Variants in NPR1 observed in about 807,000 individuals in gnomAD.
NPR1 encodes atrial natriuretic peptide receptor 1.
A neutral mutation model predicts 116.9 loss-of-function variants in NPR1; 57 were observed. That is an observed-to-expected ratio of 0.49 (90% confidence interval 0.39 to 0.61). The LOEUF (loss-of-function observed/expected upper bound fraction) is 0.61, where lower values mean the gene tolerates loss of function less well. Among genes scored for constraint, NPR1 ranks in the 20% least tolerant of loss-of-function variants. The probability of loss-of-function intolerance (pLI) is 0.00; values close to 1 mark genes in which losing one functional copy is unlikely to be tolerated. For missense variants in NPR1, 1,096 were observed against 1,409.8 expected (o/e 0.78, Z 3.56); for synonymous variants, 555 against 601.6 (o/e 0.92, Z 1.13).
In NPR1 at chr1:153,679,965, C is replaced by T. The variant is rs1483156782; in HGVS notation, c.721+136C>T. On this transcript the variant is annotated intron_variant, in intron 1 of 21. Coordinates refer to ENST00000368680, the MANE Select transcript of NPR1 (RefSeq NM_000906.4). This position sits in a 1 kb window ranked among gnomAD's most constrained non-coding sequence, Gnocchi z 4.2. ...GCCGTTCTTCATTCTACTTTCAGCT[C>T]CCTGGCCCTTTCTACAGCTGAGTTT... is the stretch of plus-strand genomic sequence containing the variant. 2.5e-5 allele frequency: 30 copies of T among 1,221,242 alleles called. No homozygotes were observed. The highest frequency in any genetic ancestry group is 3.2e-5 in the Non-Finnish European group (29 of 895,994). The allele number at this position is 1,221,242 out of a possible 1,614,324, so 75.7% of individuals were successfully genotyped here. A position where few individuals can be genotyped will look rare whatever the true frequency, so the allele number is the denominator to read the frequency against.
chr1:153,683,961 G>A, intron 7 of NPR1, 137 bp downstream of exon 7: 1 of 729,160 alleles, frequency 1.4e-6, no homozygotes, highest in Non-Finnish European at 2.4e-6. Context: ...GAGGAAGAAA[G>A]GAGGCTTAAA....
chr1:153,692,102 G>C (rs1405055046), intron 20 of NPR1, among the ~76,000 whole-genome samples: 2 of 152,048 alleles, frequency 1.3e-5, no homozygotes, highest in African/African-American at 4.8e-5. Context: ...CAAAATGAGG[G>C]TATAGCATGA....
At position 153,679,871 on chromosome 1, in the gene NPR1, G is replaced by T; in HGVS notation, c.721+42G>T. Reference sequence around the variant, plus strand: ...CCCCGTCCCGCCGCTTAGCCGCAGGGCCTCCCCTCTGACCTGCCGGAGGCA... The same window carrying T: ...CCCCGTCCCGCCGCTTAGCCGCAGGTCCTCCCCTCTGACCTGCCGGAGGCA... On this transcript the variant is annotated intron_variant, in intron 1 of 21. Coordinates refer to ENST00000368680, the MANE Select transcript of NPR1 (RefSeq NM_000906.4). The surrounding 1 kb of genome is among the most constrained non-coding windows in gnomAD (Gnocchi z 4.2). 2 of 1,529,362 alleles carry T rather than the reference G, an allele frequency of 1.3e-6. No homozygotes were observed. Among genetic ancestry groups the T allele is most frequent in the Non-Finnish European group, 1.7e-6 (2 of 1,144,450 alleles). The allele number at this position is 1,529,362 out of a possible 1,614,324, so 94.7% of individuals were successfully genotyped here. A position where few individuals can be genotyped will look rare whatever the true frequency, so the allele number is the denominator to read the frequency against.
Position 153,681,272 on chromosome 1 carries a change from C to A in NPR1, c.1014C>A (p.Asn338Lys). The A allele has an allele frequency of 6.2e-7, 1 of 1,610,604 alleles. No individual in the cohort carries two copies. The highest frequency in any genetic ancestry group is 1.1e-5 in the South Asian group (1 of 91,028). ...AACACCTGGCCTATGAGCAGTTCAA[C>A]TTCACCATGGAGGATGGCCTGGTAA... ...QLKHLAYEQFNFTMEDGLVNT... is the reference protein window; with the variant it reads ...QLKHLAYEQFKFTMEDGLVNT... Residue 338 changes from asparagine (N) to lysine (K), a missense_variant, in exon 3 of 22, where the codon AAC becomes AAA. Physicochemically the swap from Asn to Lys is moderately conservative, Grantham distance 94. Transcript: ENST00000368680.
chr1:153,679,828 A>G lies in NPR1; in HGVS notation c.720A>G (p.Arg240=). Residue 240 remains arginine (R), a splice_region_variant and synonymous_variant, in exon 1 of 22, where the codon CGA becomes CGG. Coordinates refer to ENST00000368680, the MANE Select transcript of NPR1 (RefSeq NM_000906.4). This position sits in a 1 kb window ranked among gnomAD's most constrained non-coding sequence, Gnocchi z 4.2. ...RLLRTMPRKG[R]VIYICSSPDA... is the part of the protein sequence containing the mutation. ...TGCGGACCATGCCGCGCAAAGGCCG[A>G]GGTGAGACGCTGGCACACCCCGTCC... 1 of 1,538,946 alleles carries G rather than the reference A, an allele frequency of 6.5e-7. No homozygotes were observed. The highest frequency in any genetic ancestry group is 8.7e-7 in the Non-Finnish European group (1 of 1,147,084).
Position 153,693,151 on chromosome 1 carries a change from A to G in NPR1, c.3077A>G (p.Glu1026Gly). The change falls in exon 21 of 22, where the codon GAG (glutamate) becomes GGG (glycine). Residue 1026 changes from glutamate to glycine, a missense_variant. Coordinates refer to ENST00000368680, the MANE Select transcript of NPR1 (RefSeq NM_000906.4). ...TCTGAGACCAAGGCTGTCCTGGAGG[A>G]GTTTGGTGGTTTCGAGCTGGAGCTT... is the stretch of plus-strand genomic sequence containing the variant. ...LSSETKAVLE[E>G]FGGFELELRG... 6.2e-7 allele frequency: 1 copy of G among 1,613,720 alleles called. No individual in the cohort carries two copies. Among genetic ancestry groups the G allele is most frequent in the South Asian group, 1.1e-5 (1 of 91,022 alleles).
At chr1:153,683,297 G>C in intron 5 of NPR1, 79 bp from the exon 6 acceptor site, 1 of 1,503,466 alleles carries the variant, frequency 6.7e-7, no homozygotes, top group Non-Finnish European at 9.0e-7. Flanking sequence ...GCTGGGGTAG[G>C]TGGGAGGTGA....
rs1249176042 is a variant in NPR1 at position 153,693,492 on chromosome 1, C to A, written c.*78C>A. On this transcript the variant is annotated 3_prime_UTR_variant, in exon 22 of 22. Transcript: ENST00000368680. ...AGAGGTGCCAGGCCTCAGCCTCACC[C>A]ACAGCAGCCCCATCGCCAAAGGATG... 2 of 1,291,968 alleles carry A rather than the reference C, an allele frequency of 1.5e-6. No individual in the cohort carries two copies. Among genetic ancestry groups the A allele is most frequent in the Non-Finnish European group, 2.2e-6 (2 of 926,330 alleles). The allele number at this position is 1,291,968 out of a possible 1,614,324, so 80.0% of individuals were successfully genotyped here. A position where few individuals can be genotyped will look rare whatever the true frequency, so the allele number is the denominator to read the frequency against.
rs1019001741 is a variant in NPR1, at chr1:153,688,157, G to T, written c.2353G>T (p.Ala785Ser). ...ELGLLMQRCW[A>S]EDPQERPPFQ... The stretch of plus-strand genomic sequence containing the variant: ...GGGGCTGCTCATGCAGCGGTGCTGG[G>T]CTGAGGACCCACAGGAGAGGCCACC... Residue 785 changes from alanine to serine, a missense_variant, in exon 15 of 22, where the codon GCT (alanine) becomes TCT (serine). Physicochemically the swap from Ala to Ser is moderately conservative, Grantham distance 99. Coordinates refer to ENST00000368680, the MANE Select transcript of NPR1 (RefSeq NM_000906.4). 8 of 1,613,926 alleles carry T rather than the reference G, an allele frequency of 5.0e-6. No individual in the cohort carries two copies. The African/African-American group carries it at 1.1e-4, about 22-fold the overall frequency.
At chr1:153,683,925 GGC>G (rs1376632859) in intron 7 of NPR1, 101 bp downstream of exon 7, 6 of 1,003,564 alleles carry the variant, frequency 6.0e-6, no homozygotes, top group Non-Finnish European at 9.3e-6. Flanking sequence ...GGGGTGAAGG[GGC>G]ACCAGGGGAA....
At position 153,693,174 on chromosome 1, in the gene NPR1, C is replaced by G; in HGVS notation, c.3100C>G (p.Leu1034Val). The change falls in exon 21 of 22, where the codon CTT becomes GTT. Residue 1034 changes from leucine (L) to valine (V), a missense_variant. Transcript: ENST00000368680. ...GGAGTTTGGTGGTTTCGAGCTGGAG[C>G]TTCGAGGGGATGTAGAAATGAAGGT... ...LEEFGGFELE[L>V]RGDVEMKGKG... 1.2e-6 allele frequency: 2 copies of G among 1,614,010 alleles called. No individual in the cohort carries two copies. Among genetic ancestry groups the G allele is most frequent in the Non-Finnish European group, 1.7e-6 (2 of 1,179,932 alleles).
In NPR1 at chr1:153,679,998, C is replaced by T. The variant is rs368432432; in HGVS notation, c.721+169C>T. On this transcript the variant is annotated intron_variant, in intron 1 of 21. Transcript: ENST00000368680. The surrounding 1 kb of genome is among the most constrained non-coding windows in gnomAD (Gnocchi z 4.2). The stretch of plus-strand genomic sequence containing the variant: ...CTTTCTACAGCTGAGTTTCTATTTC[C>T]CTCTCTTCTTCCGCCACCCCCACCA... Among the ~76,000 whole-genome samples, 1 of 152,048 alleles carries T rather than the reference C, an allele frequency of 6.6e-6. No homozygotes were observed. The highest frequency in any genetic ancestry group is 1.5e-5 in the Non-Finnish European group (1 of 68,016).
chr1:153,684,839 G>A, intron 7 of NPR1, 125 bp from the exon 8 acceptor site: 1 of 1,296,662 alleles, frequency 7.7e-7, no homozygotes, highest in Admixed American at 2.1e-5. Flanking sequence ...CAGTCCAGAG[G>A]ATAGAATTCC....
Position 153,689,182 on chromosome 1 carries a change from C to T in NPR1, c.2565-6C>T. The T allele has an allele frequency of 1.2e-6, 2 of 1,614,218 alleles. No individual in the cohort carries two copies. Among genetic ancestry groups the T allele is most frequent in the South Asian group, 2.2e-5 (2 of 91,084 alleles). Reference sequence around the variant, plus strand: ...CTCTGATCCTGCACCTGCCCTGACCCCTTAGCTCAGTGGCTGAGCAGCTGA... The same window carrying T: ...CTCTGATCCTGCACCTGCCCTGACCTCTTAGCTCAGTGGCTGAGCAGCTGA... On this transcript the variant is annotated splice_region_variant and splice_polypyrimidine_tract_variant and intron_variant, in intron 16 of 21. Coordinates refer to ENST00000368680, the MANE Select transcript of NPR1 (RefSeq NM_000906.4). The surrounding 1 kb of genome is among the most constrained non-coding windows in gnomAD (Gnocchi z 5.1).
At chr1:153,681,574 C>T in intron 3 of NPR1, 130 bp from the exon 4 acceptor site, 1 of 956,494 alleles carries the variant, frequency 1.0e-6, no homozygotes, top group South Asian at 1.6e-5. Flanking sequence ...TAAAATCTCC[C>T]TGTGATATAG....
At chr1:153,684,769 T>C (rs946422447) in intron 7 of NPR1, among the ~76,000 whole-genome samples, 195 bp from the exon 8 acceptor site, 2 of 152,080 alleles carry the variant, frequency 1.3e-5, no homozygotes, top group Admixed American at 1.3e-4. Context: ...AGTAAGGACA[T>C]TGAGGTGATT....
chr1:153,680,663 G>A lies in NPR1; in HGVS notation c.884G>A (p.Gly295Glu), dbSNP rs1390048691. The stretch of plus-strand genomic sequence containing the variant: ...GCTCCCCGCAGGCCCTGGGAGAGAG[G>A]GGATGGGCAGGATGTCAGTGCCCGC... ...GPAPRRPWER[G>E]DGQDVSARQA... is the part of the protein sequence containing the mutation. Residue 295 changes from glycine to glutamate, a missense_variant, in exon 2 of 22, where the codon GGG becomes GAG. Physicochemically the swap from Gly to Glu is moderately conservative, Grantham distance 98 (BLOSUM62 -2). Coordinates refer to ENST00000368680, the MANE Select transcript of NPR1 (RefSeq NM_000906.4). 2.5e-6 allele frequency: 4 copies of A among 1,613,946 alleles called. No individual in the cohort carries two copies. The highest frequency in any genetic ancestry group is 3.4e-6 in the Non-Finnish European group (4 of 1,179,916).
chr1:153,687,809 C>A lies in NPR1; in HGVS notation c.2248+20C>A. On this transcript the variant is annotated intron_variant, in intron 14 of 21. Transcript: ENST00000368680. ...CCAAAGGTGAGAGGAGCACACCTTC[C>A]TTAAACCCAGCCACAGTCTCAACGA... 6.4e-7 allele frequency: 1 copy of A among 1,559,368 alleles called. No homozygotes were observed.
rs5777878 is a variant in NPR1 at position 153,691,886 on chromosome 1, C to CA, written c.3032-1208dup. Among the ~76,000 whole-genome samples, 365 of 133,086 alleles carry CA rather than the reference C, an allele frequency of 2.7e-3. 3 individuals carry two copies. Among genetic ancestry groups the CA allele is most frequent in the African/African-American group, 5.1e-3 (196 of 38,630 alleles). 87.3% of individuals were successfully genotyped at this position (133,086 alleles called of 152,430 possible). ...TGGGCAACAGAGCGAGACTCTGTCT[C>CA]AAAAAAAAAAAAGAGAGAAAGAAAG... On this transcript the variant is annotated intron_variant, in intron 20 of 21. Transcript: ENST00000368680.
Sources: gnomAD v4.1 joint callset for allele counts (sites outside exome capture counted in the v4.1 genomes callset) on GRCh38, gnomAD v4.1.1 for gene constraint, Gnocchi (gnomAD v3.1) non-coding constraint, MANE v1.5 for transcripts, NCBI Gene and HGNC (gene_info 2026-07-23, HGNC 2026-07-21) for gene names.